Variants in LRBA observed in about 807,000 individuals in gnomAD.
The protein encoded by LRBA is LPS responsive beige-like anchor protein.
Under a neutral mutation model 330.0 loss-of-function variants are expected in LRBA, and 176 were observed. That is an observed-to-expected ratio of 0.53 (90% CI 0.47 to 0.60). The LOEUF is 0.60. Among genes scored for constraint, LRBA ranks in the 20% least tolerant of loss-of-function variants. LRBA has a pLI of 0.00. For missense variants in LRBA, 3,259 were observed against 3,444.8 expected (o/e 0.95, Z 1.35); for synonymous variants, 1,230 against 1,193.0 (o/e 1.03, Z -0.64).
At position 150,671,962 on chromosome 4, in the gene LRBA, A is replaced by C. The variant is rs1476131027; in HGVS notation, c.5921+11589T>G. Among the ~76,000 whole-genome samples the C allele has an allele frequency of 3.3e-5, 5 of 152,222 alleles. No individual in the cohort carries two copies. The East Asian group carries it at 9.6e-4, about 29-fold the overall frequency. On this transcript the variant is annotated intron_variant, in intron 37 of 56. Coordinates refer to ENST00000651943, the MANE Select transcript of LRBA (RefSeq NM_001364905.1). ...AGGAAATTAGCAGTGTGTAAAATGC[A>C]GCAGAGGATAGAGACAACAAGGTGT...
chr4:150,712,465 T>TA (rs1786316865), intron 36 of LRBA, among the ~76,000 whole-genome samples: 1 of 152,228 alleles, frequency 6.6e-6, no homozygotes, highest in East Asian at 1.9e-4. Context: ...TTTGAACTAA[T>TA]AAAAAACCCT....
intron 5 of LRBA, among the ~76,000 whole-genome samples, chr4:150,918,612 T>C (rs968245805): frequency 2.6e-4 from 40 of 152,136 alleles, no homozygotes; most frequent in African/African-American, 8.9e-4. Flanking sequence ...TAGCTGGGCA[T>C]GGTGGTACAC....
At chr4:150,646,824 A>C (rs575522210) in intron 37 of LRBA, among the ~76,000 whole-genome samples, 2 of 152,302 alleles carry the variant, frequency 1.3e-5, no homozygotes, top group African/African-American at 4.8e-5. Context: ...TAACATGCAA[A>C]AGAAATGCTC....
intron 40 of LRBA, among the ~76,000 whole-genome samples, chr4:150,559,766 T>C (rs1467191126): frequency 2.3e-5 from 2 of 87,506 alleles, no homozygotes; most frequent in Non-Finnish European, 4.1e-5. Flanking sequence ...CATTATAGAT[T>C]ATATATATTA....
intron 34 of LRBA, among the ~76,000 whole-genome samples, chr4:150,777,066 T>TTTGTTGTTGTTGTTGTTG (rs70941442): frequency 7.4e-6 from 1 of 134,306 alleles, no homozygotes; most frequent in East Asian, 2.0e-4. Context: ...TTTGAGGGGT[T>TTTGTTGTTGTTGTTGTTG]TTGTTGTTGT....
At chr4:150,638,449 T>A (rs1251287393) in intron 37 of LRBA, among the ~76,000 whole-genome samples, 1 of 152,226 alleles carries the variant, frequency 6.6e-6, no homozygotes, top group Non-Finnish European at 1.5e-5. Context: ...ATTTCTCACC[T>A]ATATTTATGA....
At chr4:150,508,872 T>C (rs1761488945) in intron 40 of LRBA, among the ~76,000 whole-genome samples, 1 of 152,162 alleles carries the variant, frequency 6.6e-6, no homozygotes, top group Admixed American at 6.5e-5. Context: ...AGAACCTAAC[T>C]GACATTTATA....
chr4:150,376,074 G>C (rs1741273455), intron 47 of LRBA, among the ~76,000 whole-genome samples: 1 of 152,186 alleles, frequency 6.6e-6, no homozygotes, highest in African/African-American at 2.4e-5. Flanking sequence ...ATTAGAGAGA[G>C]AGAAGGGCTG....
intron 48 of LRBA, among the ~76,000 whole-genome samples, chr4:150,328,059 C>T (rs1176030936): frequency 6.6e-6 from 1 of 152,022 alleles, no homozygotes; most frequent in Non-Finnish European, 1.5e-5. Context: ...AATATGTGAA[C>T]CAGCTAAGGA....
Position 150,436,736 on chromosome 4 carries a change from C to G in LRBA, c.6909G>C (p.Trp2303Cys). Residue 2303 changes from tryptophan to cysteine, a missense_variant, in exon 45 of 57, where the codon TGG (tryptophan) becomes TGC (cysteine). Transcript: ENST00000651943. ...AAATTGAACTTACTATTCTTAGCAG[C>G]CATGCAAGAACAAAACTTGCAGTTG... ...HYSTASFVLA[W>C]LLRIEPFTTY... 1 of 1,612,090 alleles carries G rather than the reference C, an allele frequency of 6.2e-7. No homozygotes were observed. Among genetic ancestry groups the G allele is most frequent in the South Asian group, 1.1e-5 (1 of 90,804 alleles).
chr4:150,452,823 A>T (rs1233516064), intron 44 of LRBA, among the ~76,000 whole-genome samples: 2 of 152,176 alleles, frequency 1.3e-5, no homozygotes, highest in Admixed American at 6.5e-5. Context: ...AGTCCCAAAA[A>T]GTCTACAAAA....
At chr4:150,812,714 CAG>C (rs1250769312) in intron 31 of LRBA, among the ~76,000 whole-genome samples, 2 of 152,074 alleles carry the variant, frequency 1.3e-5, no homozygotes, top group African/African-American at 4.8e-5. Context: ...CTCTGATAAA[CAG>C]ATACTGTCTA....
At chr4:150,851,361 G>C (rs1750593406) in intron 23 of LRBA, among the ~76,000 whole-genome samples, 1 of 152,194 alleles carries the variant, frequency 6.6e-6, no homozygotes, top group African/African-American at 2.4e-5. Flanking sequence ...TGAATAAAGT[G>C]GAAAATGACA....
chr4:150,326,523 C>T (rs1421379129), intron 48 of LRBA, among the ~76,000 whole-genome samples: 2 of 152,182 alleles, frequency 1.3e-5, no homozygotes, highest in Admixed American at 6.5e-5. Flanking sequence ...TTTTGAAAGA[C>T]GTGTGCTTTT....
chr4:150,893,832 C>T (rs546846538), intron 16 of LRBA, among the ~76,000 whole-genome samples: 12 of 152,076 alleles, frequency 7.9e-5, no homozygotes, highest in Admixed American at 6.5e-5. Flanking sequence ...GCCACCACCA[C>T]GCCCGGCTAA....
rs189001632 is a variant in LRBA, at chr4:150,525,042, T to C, written c.6331-34007A>G. On this transcript the variant is annotated intron_variant, in intron 40 of 56. Transcript: ENST00000651943. ...GAAAGTTTGGGAACTCTTTAATCAA[T>C]TGTCCAATTACAAAGGTCTAATTCT... 8.5e-5 allele frequency among the ~76,000 whole-genome samples: 13 copies of C among 152,220 alleles called. No homozygotes were observed. In the East Asian group the frequency reaches 2.5e-3, roughly 29 times the overall value.
intron 47 of LRBA, among the ~76,000 whole-genome samples, chr4:150,382,433 A>T (rs560386234): frequency 6.6e-6 from 1 of 152,004 alleles, no homozygotes; most frequent in East Asian, 1.9e-4. Context: ...AGACCAGCCT[A>T]GCCAACACGG....
At chr4:150,951,933 A>G (rs906430440) in intron 2 of LRBA, among the ~76,000 whole-genome samples, 2 of 152,230 alleles carry the variant, frequency 1.3e-5, no homozygotes, top group Admixed American at 1.3e-4. Flanking sequence ...AGCATATGTT[A>G]AAAGTATTCA....
intron 28 of LRBA, chr4:150,840,951 A>AG: frequency 1.7e-6 from 2 of 1,175,300 alleles, no homozygotes; most frequent in Non-Finnish European, 2.2e-6. Flanking sequence ...AGATAGGCTC[A>AG]ATTTGAACAT....
Sources: gnomAD v4.1 joint callset for allele counts (sites outside exome capture counted in the v4.1 genomes callset) on GRCh38, gnomAD v4.1.1 for gene constraint, MANE v1.5 for transcripts, NCBI Gene and HGNC (gene_info 2026-07-23, HGNC 2026-07-21) for gene names.